The following PAWR variants were observed in gnomAD, a reference collection of about 807,000 sequenced individuals.
The protein encoded by PAWR is pro-apoptotic WT1 regulator.
A neutral mutation model predicts 32.0 loss-of-function variants in PAWR; 23 were observed. The observed-to-expected ratio is 0.72, with a 90% confidence interval of 0.52 to 1.02. The LOEUF (loss-of-function observed/expected upper bound fraction) is 1.02, where lower values mean the gene tolerates loss of function less well. Ranked by LOEUF, PAWR falls within the 50% of genes least tolerant of loss-of-function variation. PAWR has a pLI of 0.00. For missense variants in PAWR, 457 were observed against 437.7 expected (o/e 1.04, Z -0.39); for synonymous variants, 226 against 187.1 (o/e 1.21, Z -1.70).
rs529221213 is a variant in PAWR at position 79,683,364 on chromosome 12, G to A, written c.516+6365C>T. Among the ~76,000 whole-genome samples the A allele has an allele frequency of 1.1e-4, 17 of 152,080 alleles. No individual in the cohort carries two copies. The South Asian group carries it at 3.3e-3, about 30-fold the overall frequency. On this transcript the variant is annotated intron_variant, in intron 2 of 6. Coordinates refer to ENST00000328827, the MANE Select transcript of PAWR (RefSeq NM_002583.4). Reference sequence around the variant, plus strand: ...ATAACCAGCATTCATTTCATTTGACGGATCAGTAAACTAGTACAGGGTATT... The same window carrying A: ...ATAACCAGCATTCATTTCATTTGACAGATCAGTAAACTAGTACAGGGTATT...
chr12:79,639,514 T>C (rs1196208044), intron 2 of PAWR, among the ~76,000 whole-genome samples: 1 of 152,194 alleles, frequency 6.6e-6, no homozygotes, highest in African/African-American at 2.4e-5. Flanking sequence ...AAGTTCATCT[T>C]TAGCCTCAAC....
At chr12:79,613,341 A>T (rs1874525861) in intron 4 of PAWR, among the ~76,000 whole-genome samples, 2 of 152,228 alleles carry the variant, frequency 1.3e-5, no homozygotes, top group Admixed American at 1.3e-4. Context: ...TTATTTTGCA[A>T]AGTTCATCAG....
Position 79,590,726 on chromosome 12 carries a change from C to T in PAWR, c.*1881G>A, listed in dbSNP as rs1873529682. 6.6e-6 allele frequency: 1 copy of T among 152,164 alleles called. No homozygotes were observed. Among genetic ancestry groups the T allele is most frequent in the Non-Finnish European group, 1.5e-5 (1 of 68,038 alleles). 9.4% of individuals were successfully genotyped at this position (152,164 alleles called of 1,614,324 possible). A position where few individuals can be genotyped will look rare whatever the true frequency, so the allele number is the denominator to read the frequency against. ...GGTAACTAAAGGAAGATGAGTACCT[C>T]ACAACCAAAAGCAGTTAACTATGCC... On this transcript the variant is annotated 3_prime_UTR_variant, in exon 7 of 7. Transcript: ENST00000328827.
At chr12:79,664,818 C>T (rs1877527599) in intron 2 of PAWR, among the ~76,000 whole-genome samples, 1 of 151,688 alleles carries the variant, frequency 6.6e-6, no homozygotes, top group African/African-American at 2.4e-5. Flanking sequence ...AGTTCCAAGG[C>T]CTATACTTGA....
intron 2 of PAWR, among the ~76,000 whole-genome samples, chr12:79,656,611 T>C (rs191231968): frequency 1.3e-5 from 2 of 152,234 alleles, no homozygotes; most frequent in Admixed American, 6.5e-5. Context: ...AAATGTCCAA[T>C]AGGCAGACTA....
intron 3 of PAWR, among the ~76,000 whole-genome samples, chr12:79,618,637 G>A (rs1165351209): frequency 6.6e-6 from 1 of 152,042 alleles, no homozygotes; most frequent in Non-Finnish European, 1.5e-5. Flanking sequence ...ACTTCTATGA[G>A]TTTGACTTTT....
intron 2 of PAWR, among the ~76,000 whole-genome samples, chr12:79,636,062 G>A (rs1396868652): frequency 1.3e-5 from 2 of 152,062 alleles, no homozygotes; most frequent in African/African-American, 4.8e-5. Context: ...TGCTGCTTTT[G>A]AAAGACTAAC....
At chr12:79,618,661 A>G (rs923657578) in intron 3 of PAWR, among the ~76,000 whole-genome samples, 6 of 152,170 alleles carry the variant, frequency 3.9e-5, no homozygotes, top group Admixed American at 6.5e-5. Flanking sequence ...GATTCCACAT[A>G]TAAGTGAGAT....
In PAWR at chr12:79,594,482, A is replaced by G. The variant is rs781278354; in HGVS notation, c.832-49T>C. 26 of 889,806 alleles carry G rather than the reference A, an allele frequency of 2.9e-5. No homozygotes were observed. In the Admixed American group the frequency reaches 3.1e-4, roughly 11 times the overall value. 55.1% of individuals were successfully genotyped at this position (889,806 alleles called of 1,614,324 possible). On this transcript the variant is annotated intron_variant, in intron 5 of 6. Transcript: ENST00000328827. ...GTAATTAGGAAGTAATTGTTTATTT[A>G]TAATCTTCCTAAGTGGCATATATCT... is the stretch of plus-strand genomic sequence containing the variant.
At chr12:79,652,542 T>C (rs1005296313) in intron 2 of PAWR, among the ~76,000 whole-genome samples, 1 of 152,190 alleles carries the variant, frequency 6.6e-6, no homozygotes, top group African/African-American at 2.4e-5. Context: ...TTTTCAAAAG[T>C]TCTTTGGAAA....
intron 2 of PAWR, 143 bp from the exon 3 acceptor site, chr12:79,621,350 A>G (rs1450186369): frequency 3.2e-6 from 2 of 630,830 alleles, no homozygotes; most frequent in Non-Finnish European, 5.3e-6. Context: ...TCTTTCAGCA[A>G]TATGTACATT....
intron 2 of PAWR, among the ~76,000 whole-genome samples, chr12:79,658,036 T>G (rs1279947547): frequency 6.6e-6 from 1 of 152,144 alleles, no homozygotes; most frequent in Admixed American, 6.5e-5. Context: ...TGAAAGACTA[T>G]GAGGTGGGCA....
chr12:79,674,388 T>C (rs1439736928), intron 2 of PAWR, among the ~76,000 whole-genome samples: 1 of 140,338 alleles, frequency 7.1e-6, no homozygotes, highest in Non-Finnish European at 1.6e-5. Context: ...TTTCACCAGA[T>C]AAAAAAAAAA....
intron 2 of PAWR, among the ~76,000 whole-genome samples, chr12:79,632,355 A>G (rs1398211202): frequency 5.6e-5 from 1 of 17,800 alleles, no homozygotes; most frequent in Non-Finnish European, 9.4e-5. Flanking sequence ...ATATATATAT[A>G]TATATATTTT....
chr12:79,628,095 G>A (rs375933484), intron 2 of PAWR, among the ~76,000 whole-genome samples: 15 of 152,062 alleles, frequency 9.9e-5, no homozygotes, highest in African/African-American at 3.6e-4. Context: ...AACAGAAATT[G>A]TAACAAACTG....
chr12:79,689,750 C>T lies in PAWR; in HGVS notation c.495G>A (p.Val165=). The T allele has an allele frequency of 6.4e-7, 1 of 1,571,944 alleles. No individual in the cohort carries two copies. Among genetic ancestry groups the T allele is most frequent in the Non-Finnish European group, 8.6e-7 (1 of 1,161,494 alleles). ...KLREKRRSTG[V]VNIPAAECLD... ...TCACCTCTGCGGCAGGGATGTTGAC[C>T]ACGCCGGTGGAGCGCCGCTTCTCCC... is the stretch of plus-strand genomic sequence containing the variant. Residue 165 remains valine, a synonymous_variant, in exon 2 of 7, where the codon GTG becomes GTA. Coordinates refer to ENST00000328827, the MANE Select transcript of PAWR (RefSeq NM_002583.4).
chr12:79,620,396 T>C (rs914066215), intron 3 of PAWR, among the ~76,000 whole-genome samples: 1 of 152,176 alleles, frequency 6.6e-6, no homozygotes, highest in African/African-American at 2.4e-5. Context: ...AAAGAAGAGC[T>C]GCTTGGCATA....
intron 4 of PAWR, among the ~76,000 whole-genome samples, chr12:79,608,846 A>G (rs901486265): frequency 6.6e-6 from 1 of 151,884 alleles, no homozygotes; most frequent in African/African-American, 2.4e-5. Flanking sequence ...GGAGTTTGAG[A>G]CCAGTCTGGC....
chr12:79,652,992 AAATT>A (rs754793802), intron 2 of PAWR, among the ~76,000 whole-genome samples: 67 of 152,218 alleles, frequency 4.4e-4, no homozygotes, highest in African/African-American at 1.1e-3. Flanking sequence ...TTAAAAAAAT[AAATT>A]AATATTCCAA....
Sources: allele counts gnomAD v4.1 joint callset (sites outside exome capture counted in the v4.1 genomes callset), GRCh38; gene constraint gnomAD v4.1.1; transcripts MANE v1.5; gene names NCBI Gene and HGNC (gene_info 2026-07-23, HGNC 2026-07-21).